The following NFIA variants were observed in gnomAD, a reference collection of about 807,000 sequenced individuals.
The protein encoded by NFIA is nuclear factor I A, also known as nuclear factor 1 A-type.
In NFIA, 8 loss-of-function variants were observed where a neutral mutation model predicts 62.8. The ratio of observed to expected loss-of-function variants is 0.13; its 90% CI spans 0.07 to 0.23. The LOEUF is 0.23. Among genes scored for constraint, NFIA ranks in the 10% least tolerant of loss-of-function variants. NFIA has a pLI of 1.00. For missense variants in NFIA, 410 were observed against 642.1 expected (o/e 0.64, Z 3.91); for synonymous variants, 235 against 238.1 (o/e 0.99, Z 0.12).
In NFIA at chr1:61,240,786, G is replaced by A. The variant is rs558845782; in HGVS notation, c.560-36734G>A. On this transcript the variant is annotated intron_variant, in intron 2 of 10. Coordinates refer to ENST00000403491, the MANE Select transcript of NFIA (RefSeq NM_001134673.4). Reference sequence around the variant, plus strand: ...TCACACCAGTGCAAAATTGTCATTTGTATTTCAGGTTTGTAGACATCGAGA... The same window carrying A: ...TCACACCAGTGCAAAATTGTCATTTATATTTCAGGTTTGTAGACATCGAGA... 3.9e-5 allele frequency among the ~76,000 whole-genome samples: 6 copies of A among 152,136 alleles called. No homozygotes were observed. The East Asian group carries it at 9.7e-4, about 24-fold the overall frequency.
chr1:61,303,856 C>T (rs1659615905), intron 3 of NFIA, among the ~76,000 whole-genome samples: 1 of 152,162 alleles, frequency 6.6e-6, no homozygotes, highest in African/African-American at 2.4e-5. Context: ...ACATGAATGC[C>T]ATTTCCAGGA....
At chr1:61,340,012 C>G (rs913527723) in intron 4 of NFIA, among the ~76,000 whole-genome samples, 2 of 152,324 alleles carry the variant, frequency 1.3e-5, no homozygotes, top group South Asian at 4.1e-4. Flanking sequence ...CCTTCAGTCA[C>G]TGCTCTGCAT....
At position 61,417,265 on chromosome 1, in the gene NFIA, TTG is replaced by T. The variant is rs5774557; in HGVS notation, c.1421-9176_1421-9175del. ...ACATTTTGGTTTTGTTTCCTCATCTTTGTGTGTGTGTGTGTGTGTGTGTGTAT... is the reference window on the plus strand; with the variant it reads ...ACATTTTGGTTTTGTTTCCTCATCTTTGTGTGTGTGTGTGTGTGTGTGTAT... On this transcript the variant is annotated intron_variant, in intron 9 of 10. Transcript: ENST00000403491. 4.6e-3 allele frequency among the ~76,000 whole-genome samples: 641 copies of T among 139,070 alleles called. 4 individuals carry two copies. The highest frequency in any genetic ancestry group is 0.015 in the African/African-American group (568 of 37,336). The allele number at this position is 139,070 out of a possible 152,430, so 91.2% of individuals were successfully genotyped here.
chr1:61,145,441 A>G (rs1343734612), intron 2 of NFIA, among the ~76,000 whole-genome samples: 3 of 152,242 alleles, frequency 2.0e-5, no homozygotes, highest in African/African-American at 4.8e-5. Context: ...TTATTCACCA[A>G]TAGATTATCA....
At chr1:61,281,555 A>G (rs1658135568) in intron 3 of NFIA, among the ~76,000 whole-genome samples, 1 of 152,184 alleles carries the variant, frequency 6.6e-6, no homozygotes, top group Non-Finnish European at 1.5e-5. Flanking sequence ...CACAATCCCC[A>G]TGGTGCCACG....
At chr1:61,116,171 T>G (rs1424471283) in intron 2 of NFIA, among the ~76,000 whole-genome samples, 3 of 152,156 alleles carry the variant, frequency 2.0e-5, no homozygotes, top group Non-Finnish European at 4.4e-5. Flanking sequence ...GACCCTAAAA[T>G]AACCTTGGAG....
At chr1:61,276,430 A>C (rs1470806103) in intron 2 of NFIA, among the ~76,000 whole-genome samples, 2 of 152,234 alleles carry the variant, frequency 1.3e-5, no homozygotes. Flanking sequence ...TTAAACTTGC[A>C]GAAATGTGGT....
intron 3 of NFIA, among the ~76,000 whole-genome samples, chr1:61,292,436 T>C (rs1327531022): frequency 1.3e-5 from 2 of 152,188 alleles, no homozygotes; most frequent in Non-Finnish European, 2.9e-5. Flanking sequence ...TGATCTTTCT[T>C]AATTGTACAT....
intron 3 of NFIA, among the ~76,000 whole-genome samples, chr1:61,325,200 G>A (rs1211542383): frequency 6.6e-6 from 1 of 152,134 alleles, no homozygotes; most frequent in Non-Finnish European, 1.5e-5. Context: ...TCCAATGGAG[G>A]ATCTTTCAAT....
chr1:61,143,565 T>G (rs1466489269), intron 2 of NFIA, among the ~76,000 whole-genome samples: 1 of 152,038 alleles, frequency 6.6e-6, no homozygotes, highest in Non-Finnish European at 1.5e-5. Flanking sequence ...AATTTTTGTA[T>G]TTTTTTGTAC....
intron 7 of NFIA, among the ~76,000 whole-genome samples, chr1:61,398,179 T>C (rs558839540): frequency 6.6e-6 from 1 of 152,364 alleles, no homozygotes; most frequent in South Asian, 2.1e-4. Context: ...CTGTGACTGC[T>C]TCTGCACTGT....
intron 7 of NFIA, among the ~76,000 whole-genome samples, chr1:61,400,595 A>G (rs1665503123): frequency 6.6e-6 from 1 of 152,248 alleles, no homozygotes; most frequent in South Asian, 2.1e-4. Context: ...TAAAGGATCT[A>G]AATATGCATT....
chr1:61,271,373 A>G (rs1319211488), intron 2 of NFIA, among the ~76,000 whole-genome samples: 1 of 152,260 alleles, frequency 6.6e-6, no homozygotes, highest in African/African-American at 2.4e-5. Context: ...GAATACCAAC[A>G]TTAATGAAAT....
intron 7 of NFIA, among the ~76,000 whole-genome samples, chr1:61,385,316 T>A (rs1188000516): frequency 3.9e-5 from 6 of 152,322 alleles, no homozygotes; most frequent in African/African-American, 1.2e-4. Flanking sequence ...AGGGCCATCC[T>A]AAGCAAAGGA....
At chr1:61,284,455 A>G (rs1274147717) in intron 3 of NFIA, among the ~76,000 whole-genome samples, 2 of 152,198 alleles carry the variant, frequency 1.3e-5, no homozygotes, top group African/African-American at 4.8e-5. Flanking sequence ...TTTCTCTGTG[A>G]AAGATGAGGT....
chr1:61,138,383 A>G (rs1647257936), intron 2 of NFIA, among the ~76,000 whole-genome samples: 1 of 152,156 alleles, frequency 6.6e-6, no homozygotes, highest in South Asian at 2.1e-4. Flanking sequence ...GGCATGAGCC[A>G]CTGCTCTGGC....
intron 2 of NFIA, among the ~76,000 whole-genome samples, chr1:61,196,948 C>A (rs1016879837): frequency 6.7e-6 from 1 of 149,238 alleles, no homozygotes; most frequent in Non-Finnish European, 1.5e-5. Flanking sequence ...TGTGCGCGCG[C>A]GCGCTGTGTG....
chr1:61,216,272 G>A (rs1273359757), intron 2 of NFIA, among the ~76,000 whole-genome samples: 1 of 152,060 alleles, frequency 6.6e-6, no homozygotes, highest in Non-Finnish European at 1.5e-5. Flanking sequence ...AGATGCATCT[G>A]CATAGCTTCA....
At chr1:61,207,974 C>CT (rs11444962) in intron 2 of NFIA, among the ~76,000 whole-genome samples, 7,675 of 115,278 alleles carry the variant, frequency 0.067, 614 homozygotes, top group African/African-American at 0.18. Flanking sequence ...TGCACTGAAC[C>CT]TTTTTTTTTT....
Sources: allele counts gnomAD v4.1 joint callset (sites outside exome capture counted in the v4.1 genomes callset), GRCh38; gene constraint gnomAD v4.1.1; transcripts MANE v1.5; gene names NCBI Gene and HGNC (gene_info 2026-07-23, HGNC 2026-07-21).